KCTD16: variants seen among roughly 807,000 people sequenced by gnomAD.
KCTD16 encodes potassium channel tetramerization domain containing 16, also known as BTB/POZ domain-containing protein KCTD16.
Under a neutral mutation model 33.2 loss-of-function variants are expected in KCTD16, and 13 were observed. The ratio of observed to expected loss-of-function variants is 0.39; its 90% CI spans 0.25 to 0.62. The LOEUF is 0.62. KCTD16 is among the 20% of genes least tolerant of loss of function. The pLI is 0.50. For missense variants in KCTD16, 441 were observed against 525.1 expected (o/e 0.84, Z 1.57); for synonymous variants, 197 against 195.3 (o/e 1.01, Z -0.07).
At chr5:144,436,646 G>A (rs1753585739) in intron 3 of KCTD16, among the ~76,000 whole-genome samples, 1 of 151,052 alleles carries the variant, frequency 6.6e-6, no homozygotes, top group Non-Finnish European at 1.5e-5. Context: ...GGAGTACAGT[G>A]GTGCTATCTC....
intron 3 of KCTD16, among the ~76,000 whole-genome samples, chr5:144,462,537 T>TA (rs1385911213): frequency 1.3e-5 from 2 of 149,610 alleles, no homozygotes; most frequent in African/African-American, 2.5e-5. Flanking sequence ...AGCTATTATT[T>TA]TTTTTTTTGA....
intron 3 of KCTD16, among the ~76,000 whole-genome samples, chr5:144,223,211 G>A (rs1753818450): frequency 6.6e-6 from 1 of 152,104 alleles, no homozygotes; most frequent in Non-Finnish European, 1.5e-5. Flanking sequence ...GTTAATGGGT[G>A]CAGCACACCA....
At chr5:144,415,909 T>G (rs1435233302) in intron 3 of KCTD16, among the ~76,000 whole-genome samples, 1 of 152,190 alleles carries the variant, frequency 6.6e-6, no homozygotes, top group East Asian at 1.9e-4. Context: ...AAGGAAACCA[T>G]GTGATGCAAA....
chr5:144,208,562 AT>A lies in KCTD16; in HGVS notation c.832+1019del, dbSNP rs148258477. Among the ~76,000 whole-genome samples the A allele has an allele frequency of 3.8e-4, 58 of 152,382 alleles. No individual in the cohort carries two copies. In the East Asian group the frequency reaches 0.01, roughly 26 times the overall value. The stretch of plus-strand genomic sequence containing the variant: ...CAAGAAATATGTTTCCAGTGTTAAC[AT>A]TTGATTTCCTCTATTCTTATTCTAA... On this transcript the variant is annotated intron_variant, in intron 3 of 3. Coordinates refer to ENST00000512467, the MANE Select transcript of KCTD16 (RefSeq NM_020768.4).
intron 2 of KCTD16, among the ~76,000 whole-genome samples, chr5:144,197,310 C>G (rs1433294141): frequency 6.6e-6 from 1 of 152,014 alleles, no homozygotes; most frequent in Non-Finnish European, 1.5e-5. Flanking sequence ...TATTACTTAT[C>G]CTTTTGGATT....
chr5:144,243,905 G>A (rs891990064), intron 3 of KCTD16, among the ~76,000 whole-genome samples: 20 of 151,926 alleles, frequency 1.3e-4, no homozygotes, highest in Admixed American at 7.9e-4. Context: ...CATCACGCCC[G>A]GCTAATTTTT....
chr5:144,453,862 G>T (rs969575645), intron 3 of KCTD16, among the ~76,000 whole-genome samples: 18 of 152,124 alleles, frequency 1.2e-4, no homozygotes, highest in Non-Finnish European at 4.4e-5. Context: ...GAGATTAAAA[G>T]ATGTACCAAC....
At chr5:144,314,826 C>T (rs1751863545) in intron 3 of KCTD16, among the ~76,000 whole-genome samples, 1 of 152,176 alleles carries the variant, frequency 6.6e-6, no homozygotes, top group Non-Finnish European at 1.5e-5. Flanking sequence ...ACCTTGAAAA[C>T]TTCATGCCCC....
chr5:144,429,526 G>A (rs765663679), intron 3 of KCTD16, among the ~76,000 whole-genome samples: 3 of 152,058 alleles, frequency 2.0e-5, no homozygotes, highest in Non-Finnish European at 4.4e-5. Context: ...TCTGGACCAG[G>A]TTGGATCACA....
intron 3 of KCTD16, among the ~76,000 whole-genome samples, chr5:144,298,106 A>T (rs750868665): frequency 2.0e-5 from 3 of 152,134 alleles, no homozygotes; most frequent in Non-Finnish European, 4.4e-5. Context: ...GTTCATCCTA[A>T]TCGAGCTGAA....
rs139936041 is a variant in KCTD16, at chr5:144,326,370, C to A, written c.832+118824C>A. ...GAAAAATAGAAAATAATTATCTCAT[C>A]GAGGAACAAATAGATCTATTGATAG... is the stretch of plus-strand genomic sequence containing the variant. On this transcript the variant is annotated intron_variant, in intron 3 of 3. Coordinates refer to ENST00000512467, the MANE Select transcript of KCTD16 (RefSeq NM_020768.4). Among the ~76,000 whole-genome samples the A allele has an allele frequency of 4.4e-3, 674 of 152,122 alleles. 6 individuals are homozygous for A. Among genetic ancestry groups the A allele is most frequent in the African/African-American group, 0.016 (645 of 41,530 alleles).
chr5:144,353,518 T>C (rs1027359922), intron 3 of KCTD16, among the ~76,000 whole-genome samples: 2 of 152,182 alleles, frequency 1.3e-5, no homozygotes, highest in Non-Finnish European at 2.9e-5. Flanking sequence ...ATATACTGAA[T>C]TTATTTTATG....
chr5:144,466,988 CTATATATAT>C (rs1343696011), intron 3 of KCTD16, among the ~76,000 whole-genome samples: 46 of 100,596 alleles, frequency 4.6e-4, no homozygotes, highest in South Asian at 2.3e-3. Context: ...ATATATAACA[CTATATATAT>C]TATATATATT....
intron 3 of KCTD16, among the ~76,000 whole-genome samples, chr5:144,345,211 G>C (rs1172714304): frequency 7.2e-6 from 1 of 138,030 alleles, no homozygotes; most frequent in East Asian, 2.3e-4. Flanking sequence ...GTTGTGGGGT[G>C]GGGGAGGGGG....
At chr5:144,398,718 T>C (rs1752635015) in intron 3 of KCTD16, among the ~76,000 whole-genome samples, 1 of 152,002 alleles carries the variant, frequency 6.6e-6, no homozygotes, top group African/African-American at 2.4e-5. Flanking sequence ...ACTCTCTCTC[T>C]CTCTCTCTCT....
At chr5:144,259,852 C>T (rs1265526135) in intron 3 of KCTD16, among the ~76,000 whole-genome samples, 11 of 152,150 alleles carry the variant, frequency 7.2e-5, no homozygotes, top group African/African-American at 2.7e-4. Context: ...AAATAGTAAA[C>T]ATTTTCTTTA....
At chr5:144,219,910 C>T (rs921353475) in intron 3 of KCTD16, among the ~76,000 whole-genome samples, 3 of 152,166 alleles carry the variant, frequency 2.0e-5, no homozygotes, top group Admixed American at 6.6e-5. Context: ...GTGATGCTGC[C>T]TGCTGCCGAA....
chr5:144,257,056 T>A (rs1206939764), intron 3 of KCTD16, among the ~76,000 whole-genome samples: 1 of 152,224 alleles, frequency 6.6e-6, no homozygotes, highest in Non-Finnish European at 1.5e-5. Flanking sequence ...ACCAAGATAC[T>A]TTTTGTGTAT....
chr5:144,187,424 T>TCA lies in KCTD16; in HGVS notation c.-327+12973_-327+12974dup, dbSNP rs72391987. On this transcript the variant is annotated intron_variant, in intron 2 of 3. Transcript: ENST00000512467. ...AGAGTTTCAAAGGTAAGAGCTGATTTCACACACACACACACACACACATAT... is the reference window on the plus strand; with the variant it reads ...AGAGTTTCAAAGGTAAGAGCTGATTTCACACACACACACACACACACACATAT... 9.1e-3 allele frequency among the ~76,000 whole-genome samples: 1,376 copies of TCA among 150,596 alleles called. 13 individuals carry two copies. The highest frequency in any genetic ancestry group is 0.024 in the African/African-American group (973 of 41,162).
Sources: gnomAD v4.1 joint callset for allele counts (sites outside exome capture counted in the v4.1 genomes callset) on GRCh38, gnomAD v4.1.1 for gene constraint, MANE v1.5 for transcripts, NCBI Gene and HGNC (gene_info 2026-07-23, HGNC 2026-07-21) for gene names.